The following LINGO1 variants were observed in gnomAD, a reference collection of about 807,000 sequenced individuals.
LINGO1 encodes the protein leucine-rich repeat and immunoglobulin-like domain-containing nogo receptor-interacting protein 1.
Under a neutral mutation model 37.3 loss-of-function variants are expected in LINGO1, and 11 were observed. That is an observed-to-expected ratio of 0.29 (90% confidence interval 0.19 to 0.49). The LOEUF (loss-of-function observed/expected upper bound fraction) is 0.49, where lower values mean the gene tolerates loss of function less well. LINGO1 is among the 20% of genes least tolerant of loss of function. LINGO1 has a pLI of 0.99. For missense variants in LINGO1, 585 were observed against 878.2 expected, an observed-to-expected ratio of 0.67 and a Z score of 4.22; for synonymous variants, 387 against 403.0, an observed-to-expected ratio of 0.96 and a Z score of 0.48.
intron 2 of LINGO1, among the ~76,000 whole-genome samples, chr15:77,708,943 T>C (rs984845000): frequency 1.3e-5 from 2 of 152,052 alleles, no homozygotes; most frequent in African/African-American, 4.8e-5. Flanking sequence ...AACTTGGACG[T>C]AGACACACTC....
chr15:77,782,114 T>C (rs981636529), intron 1 of LINGO1, among the ~76,000 whole-genome samples: 25 of 152,220 alleles, frequency 1.6e-4, no homozygotes, highest in African/African-American at 2.4e-5. Flanking sequence ...CGTGCTCTAT[T>C]ATACAGAACA....
chr15:77,809,397 C>A (rs1172092641), intron 1 of LINGO1, among the ~76,000 whole-genome samples: 1 of 152,220 alleles, frequency 6.6e-6, no homozygotes, highest in Non-Finnish European at 1.5e-5. Context: ...GGGTGACCAC[C>A]CTGAACCTCA....
intron 3 of LINGO1, among the ~76,000 whole-genome samples, chr15:77,672,376 GATAA>G (rs1267167687): frequency 6.6e-6 from 1 of 152,122 alleles, no homozygotes; most frequent in Non-Finnish European, 1.5e-5. Context: ...GGTGTTAACT[GATAA>G]TTAAGATGTT....
At position 77,798,945 on chromosome 15, in the gene LINGO1, T is replaced by C. The variant is rs2076895228; in HGVS notation, c.-457-2892A>G. Among the ~76,000 whole-genome samples, 5 of 145,680 alleles carry C rather than the reference T, an allele frequency of 3.4e-5. 1 individual carries two copies. The South Asian group carries it at 1.1e-3, about 32-fold the overall frequency. Reference sequence around the variant, plus strand: ...AAACACTGATCAGAAAGCAGGGCCCTGGTATGTGTGCTGTGTGGGTATGTC... The same window carrying C: ...AAACACTGATCAGAAAGCAGGGCCCCGGTATGTGTGCTGTGTGGGTATGTC... On this transcript the variant is annotated intron_variant, in intron 1 of 5. Transcript: ENST00000562933.
chr15:77,621,941 C>T (rs2073935542), intron 1 of LINGO1, among the ~76,000 whole-genome samples: 2 of 152,232 alleles, frequency 1.3e-5, no homozygotes, highest in Admixed American at 1.3e-4. Flanking sequence ...GGCATGGAGG[C>T]GTCTGCCCCA....
At chr15:77,683,606 C>T (rs570645826) in intron 2 of LINGO1, among the ~76,000 whole-genome samples, 1 of 152,248 alleles carries the variant, frequency 6.6e-6, no homozygotes, top group African/African-American at 2.4e-5. Flanking sequence ...AAAAATGGAA[C>T]TGGTGGGGTA....
chr15:77,807,870 C>T (rs893342922), intron 1 of LINGO1, among the ~76,000 whole-genome samples: 7 of 151,958 alleles, frequency 4.6e-5, no homozygotes, highest in African/African-American at 1.4e-4. Context: ...AGAAAAAAGG[C>T]GTTAAGAGCA....
chr15:77,696,970 A>G (rs901486830), upstream of LINGO1, among the ~76,000 whole-genome samples: 1 of 152,260 alleles, frequency 6.6e-6, no homozygotes, highest in Non-Finnish European at 1.5e-5. Context: ...ATCCCAGGAC[A>G]GGGGTCTGCG....
intron 2 of LINGO1, among the ~76,000 whole-genome samples, chr15:77,730,672 A>T (rs2076145774): frequency 6.6e-6 from 1 of 152,216 alleles, no homozygotes; most frequent in Non-Finnish European, 1.5e-5. Context: ...GCATCAGTAG[A>T]CGCTCTGGAG....
chr15:77,748,910 T>TC (rs1491271118), intron 1 of LINGO1, among the ~76,000 whole-genome samples: 15 of 6,580 alleles, frequency 2.3e-3, no homozygotes, highest in South Asian at 0.012. Context: ...CTTCCTTCTC[T>TC]TTTTTTTTTT....
At chr15:77,811,637 G>A (rs1439727554) in intron 1 of LINGO1, among the ~76,000 whole-genome samples, 2 of 152,236 alleles carry the variant, frequency 1.3e-5, no homozygotes, top group African/African-American at 4.8e-5. Flanking sequence ...CCTTGGACAG[G>A]CCAAGTCACT....
At chr15:77,706,604 T>A (rs2075855858) in intron 2 of LINGO1, among the ~76,000 whole-genome samples, 1 of 152,190 alleles carries the variant, frequency 6.6e-6, no homozygotes, top group Non-Finnish European at 1.5e-5. Context: ...GGACATGGAA[T>A]GCTCTTCCTG....
At chr15:77,803,107 T>C (rs2076932681) in intron 1 of LINGO1, among the ~76,000 whole-genome samples, 1 of 152,176 alleles carries the variant, frequency 6.6e-6, no homozygotes, top group African/African-American at 2.4e-5. Flanking sequence ...AGCCTCTCCC[T>C]ACAGGGCTGG....
At chr15:77,661,097 C>T (rs901426687) in intron 3 of LINGO1, among the ~76,000 whole-genome samples, 3 of 152,140 alleles carry the variant, frequency 2.0e-5, no homozygotes, top group Non-Finnish European at 4.4e-5. Context: ...AGCCGATTTT[C>T]AAACTGGCCT....
At chr15:77,813,639 G>A (rs1208383194) in intron 1 of LINGO1, among the ~76,000 whole-genome samples, 1 of 152,160 alleles carries the variant, frequency 6.6e-6, no homozygotes, top group South Asian at 2.1e-4. Context: ...ACAGTGATAC[G>A]TTGAATGATC....
intron 1 of LINGO1, among the ~76,000 whole-genome samples, chr15:77,618,342 A>G (rs1470366204): frequency 2.6e-5 from 4 of 152,174 alleles, no homozygotes; most frequent in Non-Finnish European, 4.4e-5. Context: ...TCCCTGAGCA[A>G]AGCCACCTGG....
chr15:77,636,634 G>T (rs1596025537), upstream of LINGO1, among the ~76,000 whole-genome samples: 1 of 152,234 alleles, frequency 6.6e-6, no homozygotes, highest in East Asian at 1.9e-4. Flanking sequence ...CCTTGAGGGG[G>T]TCACAGCCAC....
rs1342557612 is a variant in LINGO1, at chr15:77,649,421, G to C, written c.-13+27668C>G. On this transcript the variant is annotated intron_variant, in intron 3 of 3. Coordinates refer to the LINGO1 transcript ENST00000559893. ...GCCTGTTTAGTACAAATATAAGGTTGAGACAAATACCCACATGAGTCTGTA... is the reference window on the plus strand; with the variant it reads ...GCCTGTTTAGTACAAATATAAGGTTCAGACAAATACCCACATGAGTCTGTA... 4.6e-5 allele frequency among the ~76,000 whole-genome samples: 7 copies of C among 152,350 alleles called. No individual in the cohort carries two copies. The East Asian group carries it at 1.3e-3, about 29-fold the overall frequency.
At chr15:77,715,202 C>T (rs2075969144) in intron 2 of LINGO1, among the ~76,000 whole-genome samples, 1 of 152,198 alleles carries the variant, frequency 6.6e-6, no homozygotes, top group African/African-American at 2.4e-5. Flanking sequence ...CTCTCCACCC[C>T]TTTCACACAT....
Sources: allele counts gnomAD v4.1 joint callset (sites outside exome capture counted in the v4.1 genomes callset), GRCh38; gene constraint gnomAD v4.1.1; transcripts MANE v1.5; gene names NCBI Gene and HGNC (gene_info 2026-07-23, HGNC 2026-07-21).